PTPRD: variants seen among roughly 807,000 people sequenced by gnomAD.
PTPRD encodes the protein receptor-type tyrosine-protein phosphatase delta.
A neutral mutation model predicts 214.5 loss-of-function variants in PTPRD; 34 were observed. The observed-to-expected ratio is 0.16, with a 90% CI of 0.12 to 0.21. The LOEUF is 0.21. Ranked by LOEUF, PTPRD falls within the 10% of genes least tolerant of loss-of-function variation. The pLI is 1.00. For missense variants in PTPRD, 2,545 were observed against 2,398.7 expected (o/e 1.06, Z -1.27); for synonymous variants, 1,128 against 845.7 (o/e 1.33, Z -5.79).
intron 44 of PTPRD, among the ~76,000 whole-genome samples, chr9:8,322,507 A>G (rs2130924475): frequency 6.6e-6 from 1 of 152,310 alleles, no homozygotes; most frequent in South Asian, 2.1e-4. Flanking sequence ...CTTAAATCAA[A>G]GCCTAGGCCA....
intron 4 of PTPRD, among the ~76,000 whole-genome samples, chr9:9,997,073 C>T (rs916876394): frequency 6.6e-6 from 1 of 152,036 alleles, no homozygotes; most frequent in Non-Finnish European, 1.5e-5. Context: ...AATCCAAGAC[C>T]TAAAGAAAAC....
At chr9:9,536,492 C>G (rs914470740) in intron 8 of PTPRD, among the ~76,000 whole-genome samples, 1 of 152,020 alleles carries the variant, frequency 6.6e-6, no homozygotes, top group African/African-American at 2.4e-5. Context: ...ATCCATGCAT[C>G]TGTTGAAAAC....
Position 8,749,094 on chromosome 9 carries a change from G to C in PTPRD, c.-103-15148C>G, listed in dbSNP as rs562439568. ...ACAGAATTAGAAATTTTAAAAATAA[G>C]AAAAAAAAAGTAGAAGTTCTATAAT... On this transcript the variant is annotated intron_variant, in intron 11 of 45. Coordinates refer to ENST00000381196, the MANE Select transcript of PTPRD (RefSeq NM_002839.4). 2.4e-4 allele frequency among the ~76,000 whole-genome samples: 36 copies of C among 150,630 alleles called. 2 individuals carry two copies. The highest frequency in any genetic ancestry group is 8.8e-4 in the African/African-American group (36 of 41,104).
chr9:9,084,351 A>G (rs1711731342), intron 10 of PTPRD, among the ~76,000 whole-genome samples: 1 of 152,180 alleles, frequency 6.6e-6, no homozygotes, highest in African/African-American at 2.4e-5. Flanking sequence ...GAGTTGAACA[A>G]TGAGAACATA....
intron 9 of PTPRD, among the ~76,000 whole-genome samples, chr9:9,225,846 G>A (rs2099959116): frequency 6.6e-6 from 1 of 151,960 alleles, no homozygotes; most frequent in Admixed American, 6.6e-5. Flanking sequence ...GGGTATTTAG[G>A]AAGGTCATAA....
intron 9 of PTPRD, among the ~76,000 whole-genome samples, chr9:9,265,001 T>C (rs1052120035): frequency 2.0e-5 from 3 of 151,558 alleles, no homozygotes; most frequent in Non-Finnish European, 3.0e-5. Context: ...GCTAAGGGTG[T>C]TCATCGCAAC....
At chr9:8,607,470 C>T (rs2095271624) in intron 14 of PTPRD, among the ~76,000 whole-genome samples, 1 of 152,034 alleles carries the variant, frequency 6.6e-6, no homozygotes, top group Admixed American at 6.6e-5. Flanking sequence ...TGGTGAAACC[C>T]CGTCTCTACA....
chr9:8,866,090 G>A (rs187415644), intron 11 of PTPRD, among the ~76,000 whole-genome samples: 45 of 152,174 alleles, frequency 3.0e-4, no homozygotes, highest in African/African-American at 1.0e-3. Context: ...ATTTCCTATA[G>A]GAACATATAT....
At position 10,012,620 on chromosome 9, in the gene PTPRD, C is replaced by T. The variant is rs556224945; in HGVS notation, c.-472+21098G>A. 4.7e-4 allele frequency among the ~76,000 whole-genome samples: 72 copies of T among 152,006 alleles called. 1 individual carries two copies. In the South Asian group the frequency reaches 0.014, roughly 30 times the overall value. On this transcript the variant is annotated intron_variant, in intron 4 of 45. Coordinates refer to ENST00000381196, the MANE Select transcript of PTPRD (RefSeq NM_002839.4). ...ATAGGAAAATGTCAGATTTTACTCA[C>T]TATTTCGTTACCCAAGACTAGCACT...
At chr9:8,778,119 G>A (rs1374346029) in intron 11 of PTPRD, among the ~76,000 whole-genome samples, 1 of 152,154 alleles carries the variant, frequency 6.6e-6, no homozygotes, top group Middle Eastern at 3.2e-3. Flanking sequence ...AAAGGTTCAT[G>A]CTACTTTTTA....
intron 12 of PTPRD, among the ~76,000 whole-genome samples, chr9:8,688,758 A>G (rs1188758609): frequency 6.6e-6 from 1 of 152,210 alleles, no homozygotes; most frequent in Non-Finnish European, 1.5e-5. Context: ...CTATCCATCC[A>G]TAGTCAAATG....
rs547177528 is a variant in PTPRD at position 8,592,558 on chromosome 9, C to T, written c.352+40759G>A. 2.6e-5 allele frequency among the ~76,000 whole-genome samples: 4 copies of T among 152,182 alleles called. No homozygotes were observed. The East Asian group carries it at 7.7e-4, about 29-fold the overall frequency. On this transcript the variant is annotated intron_variant, in intron 14 of 45. Coordinates refer to ENST00000381196, the MANE Select transcript of PTPRD (RefSeq NM_002839.4). ...TTACAGTCGACACCAAAGGCATTCA[C>T]ACTTGAGATACTGACTGTCCTGATT...
chr9:9,922,703 A>T (rs1236722314), intron 5 of PTPRD, among the ~76,000 whole-genome samples: 1 of 152,134 alleles, frequency 6.6e-6, no homozygotes, highest in Non-Finnish European at 1.5e-5. Flanking sequence ...ATGAAAAATA[A>T]AATTTAAAAA....
intron 5 of PTPRD, among the ~76,000 whole-genome samples, chr9:9,847,924 G>C (rs2059846703): frequency 1.3e-5 from 2 of 152,060 alleles, no homozygotes; most frequent in South Asian, 2.1e-4. Flanking sequence ...ACGTGATGAA[G>C]CTACATCCTG....
At chr9:9,283,915 C>T (rs146408443) in intron 9 of PTPRD, among the ~76,000 whole-genome samples, 5 of 151,642 alleles carry the variant, frequency 3.3e-5, no homozygotes, top group East Asian at 2.0e-4. Flanking sequence ...ATTATAATTT[C>T]GTTCACTATA....
chr9:9,788,069 C>T (rs1366876402), intron 5 of PTPRD, among the ~76,000 whole-genome samples: 7 of 150,442 alleles, frequency 4.7e-5, no homozygotes, highest in Non-Finnish European at 1.0e-4. Context: ...CAGGCGTGAG[C>T]CATCGCGCCC....
At chr9:10,009,045 C>T (rs1444165307) in intron 4 of PTPRD, among the ~76,000 whole-genome samples, 1 of 151,604 alleles carries the variant, frequency 6.6e-6, no homozygotes, top group African/African-American at 2.4e-5. Context: ...AGCATGGAAA[C>T]AGGTTTTAAA....
chr9:8,921,730 G>C (rs1158009269), intron 11 of PTPRD, among the ~76,000 whole-genome samples: 3 of 152,098 alleles, frequency 2.0e-5, no homozygotes, highest in Admixed American at 6.6e-5. Context: ...CCGACCTCAA[G>C]TGATCCACCC....
intron 7 of PTPRD, among the ~76,000 whole-genome samples, chr9:9,718,492 G>A (rs1189553314): frequency 5.9e-5 from 9 of 152,260 alleles, no homozygotes; most frequent in African/African-American, 2.2e-4. Context: ...TGAGGTGGGA[G>A]CTCCTGCTCC....
Sources: gnomAD v4.1 joint callset for allele counts (sites outside exome capture counted in the v4.1 genomes callset) on GRCh38, gnomAD v4.1.1 for gene constraint, MANE v1.5 for transcripts, NCBI Gene and HGNC (gene_info 2026-07-23, HGNC 2026-07-21) for gene names.